SLC4A4: variants seen among roughly 807,000 people sequenced by gnomAD.
SLC4A4 encodes the protein electrogenic sodium bicarbonate cotransporter 1.
Under a neutral mutation model 111.5 loss-of-function variants are expected in SLC4A4, and 27 were observed. That is an observed-to-expected ratio of 0.24 (90% CI 0.18 to 0.33). The LOEUF (loss-of-function observed/expected upper bound fraction) is 0.33. Among genes scored for constraint, SLC4A4 ranks in the 10% least tolerant of loss-of-function variants. SLC4A4 has a pLI of 1.00. For missense variants in SLC4A4, 909 were observed against 1,315.5 expected (o/e 0.69, Z 4.78); for synonymous variants, 443 against 463.4 (o/e 0.96, Z 0.57).
chr4:71,351,702 A>G (rs1431527490), intron 5 of SLC4A4, among the ~76,000 whole-genome samples: 1 of 152,194 alleles, frequency 6.6e-6, no homozygotes, highest in Non-Finnish European at 1.5e-5. Context: ...CTCTACTAAA[A>G]ATACAAGTGG....
At chr4:71,316,568 A>G (rs1332582314) in intron 3 of SLC4A4, among the ~76,000 whole-genome samples, 1 of 152,096 alleles carries the variant, frequency 6.6e-6, no homozygotes, top group Admixed American at 6.6e-5. Context: ...AATTTAATTT[A>G]AAGTTCCAGA....
chr4:71,419,079 G>C (rs185202107), intron 7 of SLC4A4, among the ~76,000 whole-genome samples: 1 of 152,166 alleles, frequency 6.6e-6, no homozygotes, highest in Non-Finnish European at 1.5e-5. Context: ...GTACCCGGCC[G>C]TGTGAAGTGT....
intron 21 of SLC4A4, among the ~76,000 whole-genome samples, chr4:71,556,549 G>T (rs1290247392): frequency 1.3e-5 from 2 of 151,930 alleles, no homozygotes; most frequent in African/African-American, 2.4e-5. Context: ...ACATAATAAT[G>T]ATGGGGAAAA....
intron 8 of SLC4A4, among the ~76,000 whole-genome samples, chr4:71,445,460 A>G (rs2149067284): frequency 6.6e-6 from 1 of 152,192 alleles, no homozygotes; most frequent in South Asian, 2.1e-4. Flanking sequence ...TGCTAGGGAG[A>G]GGTAGGAAGA....
rs1725732266 is a variant in SLC4A4, at chr4:71,451,219, C to A, written c.1240C>A (p.Gln414Lys). ...TATGTACTCAGGTGGAGAGAATGTT[C>A]AGATGAATGGGGATACGCCCCATGA... is the stretch of plus-strand genomic sequence containing the variant. ...KNMYSGGENV[Q>K]MNGDTPHDGG... The change falls in exon 11 of 26, where the codon CAG becomes AAG. Residue 414 changes from glutamine to lysine, a missense_variant. Physicochemically the swap from Gln to Lys is moderately conservative, Grantham distance 53. Around this residue, in one of 7 missense-constraint regions of SLC4A4, gnomAD observed 312 missense variants for 402.0 expected, o/e 0.78. Coordinates refer to ENST00000264485, the MANE Select transcript of SLC4A4 (RefSeq NM_001098484.3). 7 of 1,611,966 alleles carry A rather than the reference C, an allele frequency of 4.3e-6. No individual in the cohort carries two copies. Among genetic ancestry groups the A allele is most frequent in the Non-Finnish European group, 5.1e-6 (6 of 1,178,136 alleles).
At chr4:71,380,535 G>A (rs186822629) in intron 6 of SLC4A4, among the ~76,000 whole-genome samples, 2 of 152,298 alleles carry the variant, frequency 1.3e-5, no homozygotes, top group Admixed American at 1.3e-4. Flanking sequence ...TCCCAGGAAA[G>A]CTTTAAAGAG....
chr4:71,106,947 A>G (rs1275521165), intron 2 of SLC4A4, among the ~76,000 whole-genome samples: 3 of 151,338 alleles, frequency 2.0e-5, no homozygotes, highest in Non-Finnish European at 2.9e-5. Context: ...TAAATAAATA[A>G]TAAGAAAAAA....
intron 22 of SLC4A4, 46 bp from the exon 23 acceptor site, chr4:71,560,047 T>C: frequency 6.8e-7 from 1 of 1,465,568 alleles, no homozygotes; most frequent in South Asian, 1.1e-5. Flanking sequence ...TGCTGTGACT[T>C]CATCTGACAT....
intron 16 of SLC4A4, among the ~76,000 whole-genome samples, chr4:71,499,204 G>T (rs1233435780): frequency 2.6e-5 from 4 of 151,998 alleles, no homozygotes; most frequent in African/African-American, 9.7e-5. Context: ...TATAATTTAA[G>T]TATAGTAAGT....
intron 3 of SLC4A4, among the ~76,000 whole-genome samples, chr4:71,287,641 G>A (rs1724023491): frequency 6.6e-6 from 1 of 152,176 alleles, no homozygotes; most frequent in African/African-American, 2.4e-5. Context: ...TGTTGTGCTA[G>A]TGCTTTTCCC....
chr4:71,486,648 T>C (rs562878486), intron 14 of SLC4A4, among the ~76,000 whole-genome samples: 1 of 146,576 alleles, frequency 6.8e-6, no homozygotes, highest in South Asian at 2.2e-4. Flanking sequence ...GAGTACCTTG[T>C]AGTATCAGGG....
chr4:71,563,325 A>G (rs746675935), intron 23 of SLC4A4, among the ~76,000 whole-genome samples: 6 of 151,774 alleles, frequency 4.0e-5, no homozygotes, highest in Non-Finnish European at 7.4e-5. Flanking sequence ...TTGATAGTGG[A>G]TATATAAAAA....
At chr4:71,172,689 T>G (rs1037020824) in intron 2 of SLC4A4, among the ~76,000 whole-genome samples, 3 of 152,250 alleles carry the variant, frequency 2.0e-5, no homozygotes, top group East Asian at 3.8e-4. Context: ...AAAATGTTAG[T>G]TTTTTTGTAA....
intron 6 of SLC4A4, among the ~76,000 whole-genome samples, chr4:71,390,312 A>G (rs185682827): frequency 6.6e-6 from 1 of 152,330 alleles, no homozygotes; most frequent in Non-Finnish European, 1.5e-5. Context: ...AGAAATTAGA[A>G]CTGAAGTAAC....
chr4:71,122,452 T>C (rs1743459373), intron 2 of SLC4A4, among the ~76,000 whole-genome samples: 1 of 151,918 alleles, frequency 6.6e-6, no homozygotes, highest in African/African-American at 2.4e-5. Flanking sequence ...GAAGTTGAAA[T>C]AGAGGTGACT....
At chr4:71,113,156 C>G (rs1743141501) in intron 2 of SLC4A4, among the ~76,000 whole-genome samples, 1 of 152,134 alleles carries the variant, frequency 6.6e-6, no homozygotes, top group Non-Finnish European at 1.5e-5. Flanking sequence ...TGGAGACTGC[C>G]CAGAGTTCCT....
At chr4:71,246,135 G>A (rs1453504645) in intron 2 of SLC4A4, among the ~76,000 whole-genome samples, 1 of 152,186 alleles carries the variant, frequency 6.6e-6, no homozygotes, top group Non-Finnish European at 1.5e-5. Flanking sequence ...AAAACGTTTA[G>A]CCTTTCCCTC....
At chr4:71,291,396 A>C (rs1563044) in intron 3 of SLC4A4, among the ~76,000 whole-genome samples, 19,539 of 152,202 alleles carry the variant, frequency 0.13, 1,361 homozygotes, top group South Asian at 0.29. Context: ...AGATATTCAT[A>C]ACTGTGGCCA....
chr4:71,348,745 A>G lies in SLC4A4; in HGVS notation c.390-1167A>G, dbSNP rs1470645222. On this transcript the variant is annotated intron_variant, in intron 4 of 25. Coordinates refer to ENST00000264485, the MANE Select transcript of SLC4A4 (RefSeq NM_001098484.3). Reference sequence around the variant, plus strand: ...GATCTATTTTCACTCCTGGTCTACTAATGTGTTTTTTTTTCCCCTCCTCTG... The same window carrying G: ...GATCTATTTTCACTCCTGGTCTACTGATGTGTTTTTTTTTCCCCTCCTCTG... Among the ~76,000 whole-genome samples the G allele has an allele frequency of 2.0e-5, 3 of 151,982 alleles. No homozygotes were observed. The South Asian group carries it at 6.2e-4, about 32-fold the overall frequency.
Sources: gnomAD v4.1 joint callset for allele counts (sites outside exome capture counted in the v4.1 genomes callset) on GRCh38, gnomAD v4.1.1 for gene constraint, gnomAD v4.1.1 regional missense constraint, MANE v1.5 for transcripts, NCBI Gene and HGNC (gene_info 2026-07-23, HGNC 2026-07-21) for gene names.